Variants in GBF1 observed in about 807,000 individuals in gnomAD.
GBF1 encodes Golgi-specific brefeldin A-resistance guanine nucleotide exchange factor 1.
A neutral mutation model predicts 210.5 loss-of-function variants in GBF1; 114 were observed. The ratio of observed to expected loss-of-function variants is 0.54; its 90% CI spans 0.47 to 0.63. The LOEUF is 0.63. Among genes scored for constraint, GBF1 ranks in the 30% least tolerant of loss-of-function variants. The pLI, the probability that GBF1 is intolerant of heterozygous loss-of-function variation, is 0.00. For missense variants in GBF1, 1,851 were observed against 2,357.7 expected (o/e 0.79, Z 4.45); for synonymous variants, 850 against 889.2 (o/e 0.96, Z 0.78).
chr10:102,262,511 A>G (rs1232980273), intron 3 of GBF1, among the ~76,000 whole-genome samples: 1 of 152,222 alleles, frequency 6.6e-6, no homozygotes, highest in African/African-American at 2.4e-5. Flanking sequence ...CTTGGTAAAC[A>G]TCTTATACAC....
chr10:102,299,231 G>T (rs750484619), intron 3 of GBF1, among the ~76,000 whole-genome samples: 24 of 152,208 alleles, frequency 1.6e-4, no homozygotes, highest in Admixed American at 5.2e-4. Flanking sequence ...TCATTCTGCT[G>T]AGTGAATGAT....
At position 102,379,838 on chromosome 10, in the gene GBF1, A is replaced by G. The variant is rs762217834; in HGVS notation, c.4777-15A>G. The G allele has an allele frequency of 6.3e-7, 1 of 1,595,088 alleles. No homozygotes were observed. The highest frequency in any genetic ancestry group is 8.6e-7 in the Non-Finnish European group (1 of 1,163,140). On this transcript the variant is annotated splice_polypyrimidine_tract_variant and intron_variant, in intron 35 of 39. Coordinates refer to ENST00000369983, the MANE Select transcript of GBF1 (RefSeq NM_001377137.1). The stretch of plus-strand genomic sequence containing the variant: ...TGAACCTCATAGGGAGACATTGCAC[A>G]TTTACCCCCACCAGGTGCTGTTTCC...
intron 3 of GBF1, among the ~76,000 whole-genome samples, chr10:102,260,840 C>G (rs777869187): frequency 2.0e-5 from 3 of 152,034 alleles, no homozygotes; most frequent in African/African-American, 7.3e-5. Flanking sequence ...GTTTTCCAAT[C>G]CTTGGTTTAT....
chr10:102,286,931 T>G (rs1311387241), intron 3 of GBF1, among the ~76,000 whole-genome samples: 1 of 152,196 alleles, frequency 6.6e-6, no homozygotes, highest in Non-Finnish European at 1.5e-5. Context: ...CTGTAGGATA[T>G]GTAATATAAT....
Position 102,379,685 on chromosome 10 carries a change from A to C in GBF1, c.4776+34A>C, listed in dbSNP as rs1310192965. 2.5e-6 allele frequency: 4 copies of C among 1,612,182 alleles called. No individual in the cohort carries two copies. The South Asian group carries it at 3.3e-5, about 13-fold the overall frequency. On this transcript the variant is annotated intron_variant, in intron 35 of 39. Transcript: ENST00000369983. ...TCCTACTGGTCTTAAGATAAAGTTC[A>C]AATCCTAAGAAAAGGAAAGCCAGGC...
At chr10:102,258,437 T>C (rs2072728202) in intron 1 of GBF1, among the ~76,000 whole-genome samples, 1 of 147,486 alleles carries the variant, frequency 6.8e-6, no homozygotes, top group Non-Finnish European at 1.5e-5. Context: ...ATTACAGGCC[T>C]GAGCCACTGC....
At chr10:102,254,544 A>G (rs1359745939) in intron 1 of GBF1, among the ~76,000 whole-genome samples, 1 of 152,188 alleles carries the variant, frequency 6.6e-6, no homozygotes, top group Non-Finnish European at 1.5e-5. Flanking sequence ...GCCAAGTGAT[A>G]CAGTGACTCC....
intron 3 of GBF1, among the ~76,000 whole-genome samples, chr10:102,271,707 A>G (rs2133301687): frequency 6.6e-6 from 1 of 152,246 alleles, no homozygotes; most frequent in Admixed American, 6.5e-5. Context: ...AGAGTATTTT[A>G]TAGATGATAC....
At chr10:102,240,230 T>G in the GBF1 span, among the ~76,000 whole-genome samples, 1 of 152,258 alleles carries the variant, frequency 6.6e-6, no homozygotes, top group Non-Finnish European at 1.5e-5. Context: ...CTTCCTGTTT[T>G]CCCATTGCCT....
In GBF1 at chr10:102,338,602, A is replaced by T. The variant is rs541031081; in HGVS notation, c.164-5449A>T. On this transcript the variant is annotated intron_variant, in intron 3 of 39. Transcript: ENST00000369983. ...TTGGGTATCATATATCTGGCTATTG[A>T]TAGGAGTGAGACTAGTCCATTGACT... 3.3e-5 allele frequency among the ~76,000 whole-genome samples: 5 copies of T among 151,914 alleles called. No homozygotes were observed. The South Asian group carries it at 1.0e-3, about 32-fold the overall frequency.
At chr10:102,262,942 G>A (rs1442108838) in intron 3 of GBF1, among the ~76,000 whole-genome samples, 1 of 152,224 alleles carries the variant, frequency 6.6e-6, no homozygotes, top group East Asian at 1.9e-4. Flanking sequence ...TTCCCCTGGA[G>A]TGAGAGGGAA....
At chr10:102,328,590 G>C (rs2057088929) in intron 3 of GBF1, among the ~76,000 whole-genome samples, 1 of 152,286 alleles carries the variant, frequency 6.6e-6, no homozygotes, top group Non-Finnish European at 1.5e-5. Context: ...CATTAACTCT[G>C]TACTCTGATA....
intron 3 of GBF1, among the ~76,000 whole-genome samples, chr10:102,308,144 A>G (rs1392424934): frequency 6.7e-6 from 1 of 148,460 alleles, no homozygotes; most frequent in Non-Finnish European, 1.5e-5. Context: ...GTAATCATAT[A>G]TATGTTCACC....
At chr10:102,377,283 A>G in intron 33 of GBF1, 143 bp downstream of exon 33, 1 of 577,874 alleles carries the variant, frequency 1.7e-6, no homozygotes, top group Non-Finnish European at 3.1e-6. Context: ...ATATTCCCTT[A>G]CCCAAAACCT....
At chr10:102,370,566 C>A in intron 28 of GBF1, 88 bp downstream of exon 28, 1 of 1,307,192 alleles carries the variant, frequency 7.6e-7, no homozygotes, top group Non-Finnish European at 1.1e-6. Context: ...CTCTGGGGAA[C>A]TGTAGGCAGC....
At chr10:102,320,268 T>C (rs1565105105) in intron 3 of GBF1, among the ~76,000 whole-genome samples, 1 of 152,152 alleles carries the variant, frequency 6.6e-6, no homozygotes, top group Non-Finnish European at 1.5e-5. Context: ...ATTTCCAGTG[T>C]TGATCTTGAG....
Position 102,382,411 on chromosome 10 carries a change from G to T in GBF1, c.*75G>T. 1 of 1,349,094 alleles carries T rather than the reference G, an allele frequency of 7.4e-7. No homozygotes were observed. The highest frequency in any genetic ancestry group is 1.0e-6 in the Non-Finnish European group (1 of 983,578). The allele number at this position is 1,349,094 out of a possible 1,614,324, so 83.6% of individuals were successfully genotyped here. Reference sequence around the variant, plus strand: ...GACCCCACTTCTGGCTGTCCTGCGGGCCACAAGCTCTTCAGGCCAAGTCAG... The same window carrying T: ...GACCCCACTTCTGGCTGTCCTGCGGTCCACAAGCTCTTCAGGCCAAGTCAG... On this transcript the variant is annotated 3_prime_UTR_variant, in exon 40 of 40. Transcript: ENST00000369983.
chr10:102,282,302 T>C (rs2075577301), intron 3 of GBF1, among the ~76,000 whole-genome samples: 1 of 152,130 alleles, frequency 6.6e-6, no homozygotes, highest in Non-Finnish European at 1.5e-5. Flanking sequence ...TATTCCCCTT[T>C]TACAGATAAA....
intron 1 of GBF1, among the ~76,000 whole-genome samples, chr10:102,247,937 T>C (rs2071042723): frequency 2.0e-5 from 3 of 152,210 alleles, no homozygotes. Context: ...TTTCCCTCTT[T>C]TCCAGAAGTC....
Sources: allele counts gnomAD v4.1 joint callset (sites outside exome capture counted in the v4.1 genomes callset), GRCh38; gene constraint gnomAD v4.1.1; transcripts MANE v1.5; gene names NCBI Gene and HGNC (gene_info 2026-07-23, HGNC 2026-07-21).